Variants in LZIC observed in about 807,000 individuals in gnomAD.
LZIC encodes leucine zipper and CTNNBIP1 domain containing.
LZIC carries 28 observed loss-of-function variants against 25.4 expected under a neutral mutation model. That is an observed-to-expected ratio of 1.10 (90% CI 0.82 to 1.51). The LOEUF (loss-of-function observed/expected upper bound fraction) is 1.51, where lower values mean the gene tolerates loss of function less well. Ranked by LOEUF, LZIC falls within the 40% of genes most tolerant of loss-of-function variation. The probability of loss-of-function intolerance (pLI) is 0.00; values close to 1 mark genes in which losing one functional copy is unlikely to be tolerated. For missense variants in LZIC, 170 were observed against 211.1 expected (o/e 0.81, Z 1.21); for synonymous variants, 65 against 70.7 (o/e 0.92, Z 0.40).
Position 9,929,663 on chromosome 1 carries a change from CGA to C in LZIC, c.*734_*735del. The C allele has an allele frequency of 3.0e-6, 3 of 985,374 alleles. No individual in the cohort carries two copies. Among genetic ancestry groups the C allele is most frequent in the Non-Finnish European group, 3.6e-6 (3 of 829,918 alleles). The allele number at this position is 985,374 out of a possible 1,614,324, so 61.0% of individuals were successfully genotyped here. On this transcript the variant is annotated 3_prime_UTR_variant, in exon 8 of 8. Transcript: ENST00000377223. The stretch of plus-strand genomic sequence containing the variant: ...TCCCATTGTTCCAACCTCAAAATTC[CGA>C]GATACAACGGGCCCCATTAATACAG...
At chr1:9,930,487 A>G (rs905113940) in intron 7 of LZIC, 30 bp from the exon 8 acceptor site, 1 of 1,610,562 alleles carries the variant, frequency 6.2e-7, no homozygotes, top group Non-Finnish European at 8.5e-7. Context: ...ATAAACAAAA[A>G]GATTATTTCA....
At position 9,928,022 on chromosome 1, in the gene LZIC, G is replaced by A. The variant is rs1640048316; in HGVS notation, c.*2377C>T. Among the ~76,000 whole-genome samples the A allele has an allele frequency of 6.6e-6, 1 of 152,128 alleles. No individual in the cohort carries two copies. Among genetic ancestry groups the A allele is most frequent in the Non-Finnish European group, 1.5e-5 (1 of 68,010 alleles). ...AAAAAACAAACGTAGGCTGGGTGTG[G>A]TGGCTCAGGCCGGGTATGGTGGCTC... On this transcript the variant is annotated 3_prime_UTR_variant, in exon 8 of 8. Transcript: ENST00000377223.
At chr1:9,925,326 G>A (rs1639955456), downstream of LZIC, among the ~76,000 whole-genome samples, 1 of 151,846 alleles carries the variant, frequency 6.6e-6, no homozygotes, top group South Asian at 2.1e-4. Context: ...AAACAAACAA[G>A]CAAACAAACA....
chr1:9,924,896 T>C (rs1221881442), downstream of LZIC, among the ~76,000 whole-genome samples: 1 of 152,064 alleles, frequency 6.6e-6, no homozygotes, highest in African/African-American at 2.4e-5. Flanking sequence ...TAGCAGAAAC[T>C]CTCAAACCAA....
Position 9,927,834 on chromosome 1 carries a change from CCACTATGCCTGGCTAATTTTTGT to C in LZIC, c.*2542_*2564del, listed in dbSNP as rs1640041334. ...AAGTAGCTGAGACTACAGGCACCTGCCACTATGCCTGGCTAATTTTTGTAGAGATGGAGTTTCACTGTGTTGGC... is the reference window on the plus strand; with the variant it reads ...AAGTAGCTGAGACTACAGGCACCTGCAGAGATGGAGTTTCACTGTGTTGGC... On this transcript the variant is annotated 3_prime_UTR_variant, in exon 8 of 8. Transcript: ENST00000377223. Among the ~76,000 whole-genome samples the C allele has an allele frequency of 6.6e-6, 1 of 151,686 alleles. No individual in the cohort carries two copies. Among genetic ancestry groups the C allele is most frequent in the African/African-American group, 2.4e-5 (1 of 41,298 alleles).
intron 4 of LZIC, 45 bp downstream of exon 4, chr1:9,935,447 C>T (rs372458083): frequency 2.6e-5 from 40 of 1,546,962 alleles, no homozygotes; most frequent in Non-Finnish European, 3.3e-5. Context: ...CAAGAACAAA[C>T]AAAAAAACAA....
Position 9,930,263 on chromosome 1 carries a change from A to G in LZIC, c.*136T>C. On this transcript the variant is annotated 3_prime_UTR_variant, in exon 8 of 8. Transcript: ENST00000377223. The stretch of plus-strand genomic sequence containing the variant: ...GAGCATAAACACAAGCCATAAGTAT[A>G]TTTTTATGTCGCTTTTTCTTAGGTT... The G allele has an allele frequency of 6.5e-7, 1 of 1,530,690 alleles. No homozygotes were observed. Among genetic ancestry groups the G allele is most frequent in the Non-Finnish European group, 8.8e-7 (1 of 1,142,730 alleles). 94.8% of individuals were successfully genotyped at this position (1,530,690 alleles called of 1,614,324 possible). A position where few individuals can be genotyped will look rare whatever the true frequency, so the allele number is the denominator to read the frequency against.
Position 9,928,936 on chromosome 1 carries a change from A to C in LZIC, c.*1463T>G, listed in dbSNP as rs1047208500. ...GAAGCCAGATACATAAAAAGGTCACATATCATATGATTCCATTTATATGAA... is the reference window on the plus strand; with the variant it reads ...GAAGCCAGATACATAAAAAGGTCACCTATCATATGATTCCATTTATATGAA... On this transcript the variant is annotated 3_prime_UTR_variant, in exon 8 of 8. Transcript: ENST00000377223. 6.6e-6 allele frequency: 1 copy of C among 152,156 alleles called. No homozygotes were observed. The highest frequency in any genetic ancestry group is 1.5e-5 in the Non-Finnish European group (1 of 68,040). 9.4% of individuals were successfully genotyped at this position (152,156 alleles called of 1,614,324 possible). A position where few individuals can be genotyped will look rare whatever the true frequency, so the allele number is the denominator to read the frequency against.
intron 3 of LZIC, 39 bp downstream of exon 3, chr1:9,936,480 G>T: frequency 4.9e-6 from 7 of 1,431,886 alleles, no homozygotes; most frequent in Non-Finnish European, 5.9e-6. Context: ...CAGAAAAAAC[G>T]CCAGTTTCCA....
chr1:9,931,809 T>C, intron 7 of LZIC, 82 bp downstream of exon 7: 1 of 888,388 alleles, frequency 1.1e-6, no homozygotes, highest in Non-Finnish European at 1.7e-6. Context: ...TATTATGTTA[T>C]TTCAACCACA....
In LZIC at chr1:9,932,797, T is replaced by C. The variant is rs759888310; in HGVS notation, c.432+6A>G. The C allele has an allele frequency of 3.3e-6, 5 of 1,520,350 alleles. No homozygotes were observed. Among genetic ancestry groups the C allele is most frequent in the African/African-American group, 2.7e-5 (2 of 72,968 alleles). 94.2% of individuals were successfully genotyped at this position (1,520,350 alleles called of 1,614,324 possible). ...TCTTTGTAACTAATATATTAAATAC[T>C]GGTACCTTCTCTCCAAGTTTCCTAA... On this transcript the variant is annotated splice_donor_region_variant and intron_variant, in intron 6 of 7. Transcript: ENST00000377223.
chr1:9,924,791 A>G (rs1639939682), downstream of LZIC, among the ~76,000 whole-genome samples: 1 of 152,204 alleles, frequency 6.6e-6, no homozygotes, highest in African/African-American at 2.4e-5. Flanking sequence ...AAGCTCCTTT[A>G]GTAGTAAAGA....
At chr1:9,933,113 G>A (rs1640298910) in intron 5 of LZIC, among the ~76,000 whole-genome samples, 1 of 151,526 alleles carries the variant, frequency 6.6e-6, no homozygotes, top group Non-Finnish European at 1.5e-5. Flanking sequence ...AAAGTAGCCA[G>A]GCATGGTGGC....
chr1:9,930,907 G>A (rs1640184409), intron 7 of LZIC, among the ~76,000 whole-genome samples: 1 of 151,904 alleles, frequency 6.6e-6, no homozygotes, highest in African/African-American at 2.4e-5. Context: ...TTTTGGTAGA[G>A]AGGGTTTCAC....
rs1023240777 is a variant in LZIC, at chr1:9,928,598, C to G, written c.*1801G>C. ...TTAAACTTGAAAATATGATGATGTC[C>G]CGGTGTGGTAGCTCACACCTATAAT... On this transcript the variant is annotated 3_prime_UTR_variant, in exon 8 of 8. Coordinates refer to ENST00000377223, the MANE Select transcript of LZIC (RefSeq NM_032368.5). 4.6e-5 allele frequency among the ~76,000 whole-genome samples: 7 copies of G among 152,008 alleles called. No homozygotes were observed. The highest frequency in any genetic ancestry group is 1.0e-4 in the Non-Finnish European group (7 of 68,016).
intron 2 of LZIC, among the ~76,000 whole-genome samples, chr1:9,937,061 C>T (rs1447305691): frequency 6.6e-6 from 1 of 151,560 alleles, no homozygotes; most frequent in African/African-American, 2.4e-5. Context: ...GTCAGGAGTT[C>T]AAGACCAGCC....
chr1:9,931,999 T>G (rs1015675943), intron 6 of LZIC, 27 bp from the exon 7 acceptor site: 2 of 1,567,992 alleles, frequency 1.3e-6, no homozygotes, highest in Admixed American at 1.7e-5. Context: ...AAAGTCCAGT[T>G]GAGTGGGTAA....
chr1:9,929,531 G>A lies in LZIC; in HGVS notation c.*868C>T. On this transcript the variant is annotated 3_prime_UTR_variant, in exon 8 of 8. Transcript: ENST00000377223. Reference sequence around the variant, plus strand: ...AGCTGACAGTTACCCCCCTCTGAGTGTGACAAGAGGTCACGCACAGGGAGG... The same window carrying A: ...AGCTGACAGTTACCCCCCTCTGAGTATGACAAGAGGTCACGCACAGGGAGG... 1 of 985,406 alleles carries A rather than the reference G, an allele frequency of 1.0e-6. No individual in the cohort carries two copies. Among genetic ancestry groups the A allele is most frequent in the South Asian group, 4.7e-5 (1 of 21,286 alleles). 61.0% of individuals were successfully genotyped at this position (985,406 alleles called of 1,614,324 possible).
At chr1:9,938,127 A>G (rs1640542016) in intron 2 of LZIC, among the ~76,000 whole-genome samples, 1 of 152,020 alleles carries the variant, frequency 6.6e-6, no homozygotes. Context: ...CACTCCAGAT[A>G]TTATCTTATT....
Sources: allele counts gnomAD v4.1 joint callset (sites outside exome capture counted in the v4.1 genomes callset), GRCh38; gene constraint gnomAD v4.1.1; transcripts MANE v1.5; gene names NCBI Gene and HGNC (gene_info 2026-07-23, HGNC 2026-07-21).